The following ZBTB17 variants were observed in gnomAD, a reference collection of about 807,000 sequenced individuals.
ZBTB17 encodes zinc finger and BTB domain-containing protein 17.
ZBTB17 carries 24 observed loss-of-function variants against 85.1 expected under a neutral mutation model. The ratio of observed to expected loss-of-function variants is 0.28; its 90% confidence interval spans 0.20 to 0.40. The LOEUF is 0.40. Among genes scored for constraint, ZBTB17 ranks in the 10% least tolerant of loss-of-function variants. ZBTB17 has a pLI of 1.00. For missense variants in ZBTB17, 743 were observed against 1,105.1 expected (o/e 0.67, Z 4.65); for synonymous variants, 464 against 460.2 (o/e 1.01, Z -0.11).
intron 2 of ZBTB17, chr1:15,970,115 G>T: frequency 1.6e-6 from 1 of 636,240 alleles, no homozygotes; most frequent in Non-Finnish European, 2.9e-6. Flanking sequence ...CACCACAGTA[G>T]TTGGGTCATC....
intron 2 of ZBTB17, among the ~76,000 whole-genome samples, chr1:15,971,243 GA>G (rs34763423): frequency 0.29 from 42,680 of 146,938 alleles, 6,506 homozygotes; most frequent in Non-Finnish European, 0.33. Flanking sequence ...CTGTGTGTAT[GA>G]AAAAAAAAAA....
Position 15,941,945 on chromosome 1 carries a change from TAAAC to T in ZBTB17, c.*20_*23del, listed in dbSNP as rs753479324. The stretch of plus-strand genomic sequence containing the variant: ...TTCCAGGGTGCCATCCATCCTTAAA[TAAAC>T]AGTCAGAAGGGCCGCCAGCTCACTC... On this transcript the variant is annotated 3_prime_UTR_variant, in exon 16 of 16. Coordinates refer to ENST00000375743, the MANE Select transcript of ZBTB17 (RefSeq NM_003443.3). The T allele has an allele frequency of 8.2e-6, 13 of 1,577,110 alleles. No homozygotes were observed. The highest frequency in any genetic ancestry group is 2.2e-5 in the East Asian group (1 of 44,478).
intron 2 of ZBTB17, among the ~76,000 whole-genome samples, chr1:15,962,674 C>G (rs909829548): frequency 6.6e-6 from 1 of 152,148 alleles, no homozygotes; most frequent in Non-Finnish European, 1.5e-5. Context: ...AACAGAATAC[C>G]GGGTTCAACA....
In ZBTB17 at chr1:15,945,810, G is replaced by T; in HGVS notation, c.566C>A (p.Pro189His). ...GAGCTCCACAGGCGGCGGCTCCCGG[G>T]GCGCATCGGCTTTCTCTGTCTGCTC... ...GAEQTEKADAPREPPPVELKP... is the reference protein window; with the variant it reads ...GAEQTEKADAHREPPPVELKP... Residue 189 changes from proline (P) to histidine (H), a missense_variant, in exon 6 of 16, where the codon CCC becomes CAC. By Grantham distance (77) the Pro-to-His change is moderately conservative. Around this residue, in one of 4 missense-constraint regions of ZBTB17, gnomAD observed 279 missense variants for 269.9 expected, o/e 1.03. Transcript: ENST00000375743. The T allele has an allele frequency of 6.2e-7, 1 of 1,602,098 alleles. No individual in the cohort carries two copies.
rs1411718048 is a variant in ZBTB17 at position 15,946,204 on chromosome 1, C to T, written c.485G>A (p.Ser162Asn). ...GCCGCGCTCCTCCTTGAGGTCCCTG[C>T]TGGGGCCTATGGGTGTGCTGCGTCC... The part of the protein sequence containing the change: ...QAGRSTPIGP[S>N]RDLKEERGGQ... Residue 162 changes from serine to asparagine, a missense_variant, in exon 5 of 16, where the codon AGC (serine) becomes AAC (asparagine). Ser to Asn is a conservative substitution (Grantham distance 46). Around this residue, in one of 4 missense-constraint regions of ZBTB17, gnomAD observed 279 missense variants for 269.9 expected, o/e 1.03. Transcript: ENST00000375743. 1.2e-6 allele frequency: 2 copies of T among 1,612,988 alleles called. No homozygotes were observed. The highest frequency in any genetic ancestry group is 1.7e-6 in the Non-Finnish European group (2 of 1,180,012).
At chr1:15,968,070 C>A (rs1234539728) in intron 2 of ZBTB17, among the ~76,000 whole-genome samples, 2 of 152,162 alleles carry the variant, frequency 1.3e-5, no homozygotes, top group African/African-American at 2.4e-5. Context: ...AAACCCACCC[C>A]CCACAACAAA....
chr1:15,975,510 C>T (rs1222084637), intron 1 of ZBTB17, among the ~76,000 whole-genome samples: 1 of 152,192 alleles, frequency 6.6e-6, no homozygotes, highest in African/African-American at 2.4e-5. Context: ...GAATGAAATG[C>T]TTTTATACAG....
At position 15,947,007 on chromosome 1, in the gene ZBTB17, A is replaced by T; in HGVS notation, c.322T>A (p.Cys108Ser). The change falls in exon 4 of 16, where the codon TGC becomes AGC. Residue 108 changes from cysteine (C) to serine (S), a missense_variant. Cys to Ser is a moderately radical substitution (Grantham distance 112, BLOSUM62 -1). Transcript: ENST00000375743. ...FLQMQDIITACHALKSLAEPA... is the reference protein window; with the variant it reads ...FLQMQDIITASHALKSLAEPA... ...TCAGCAAGTGACTTGAGGGCATGGC[A>T]GGCCGTGATGATGTCCTGCATTTGG... 1 of 1,614,090 alleles carries T rather than the reference A, an allele frequency of 6.2e-7. No homozygotes were observed. Among genetic ancestry groups the T allele is most frequent in the Middle Eastern group, 1.7e-4 (1 of 6,058 alleles).
chr1:15,954,072 A>G (rs1027607334), intron 2 of ZBTB17, among the ~76,000 whole-genome samples: 8 of 152,232 alleles, frequency 5.3e-5, no homozygotes, highest in Non-Finnish European at 7.3e-5. Context: ...TAGCATGAAG[A>G]CAGGGAGGAA....
intron 2 of ZBTB17, among the ~76,000 whole-genome samples, chr1:15,972,172 G>T (rs945404611): frequency 6.6e-6 from 1 of 152,154 alleles, no homozygotes. Context: ...ACATGGCTGG[G>T]AGCACCTGCT....
chr1:15,947,635 C>G (rs1183900715), intron 3 of ZBTB17, among the ~76,000 whole-genome samples: 1 of 152,152 alleles, frequency 6.6e-6, no homozygotes, highest in African/African-American at 2.4e-5. Flanking sequence ...GTTGTGAACA[C>G]CTGCCCTCCA....
chr1:15,953,153 A>T lies in ZBTB17; in HGVS notation c.-2-4656T>A, dbSNP rs1278490163. The stretch of plus-strand genomic sequence containing the variant: ...GTATATTTCATATACATTTACATGA[A>T]AACATTCCAATTATTTAAAAAAATG... On this transcript the variant is annotated intron_variant, in intron 2 of 15. Transcript: ENST00000375743. This position sits in a 1 kb window ranked among gnomAD's most constrained non-coding sequence, Gnocchi z 5.1. Among the ~76,000 whole-genome samples, 1 of 152,046 alleles carries T rather than the reference A, an allele frequency of 6.6e-6. No individual in the cohort carries two copies. The highest frequency in any genetic ancestry group is 1.5e-5 in the Non-Finnish European group (1 of 68,020).
chr1:15,971,992 A>G (rs2072705459), intron 2 of ZBTB17, among the ~76,000 whole-genome samples: 1 of 151,858 alleles, frequency 6.6e-6, no homozygotes. Context: ...CCAGAGTCCT[A>G]GCTGCCTCTA....
chr1:15,943,178 GGC>G lies in ZBTB17; in HGVS notation c.1712_1713del (p.Ser571ThrfsTer46). On this transcript the variant is annotated frameshift_variant, in exon 13 of 16. Coordinates refer to ENST00000375743, the MANE Select transcript of ZBTB17 (RefSeq NM_003443.3). LOFTEE classifies it high-confidence loss of function. ...TGGTGGCGAATATGATTGGCCAACT[GGC>G]TGGACTGGACGAATCTGTGGGGCCA... is the stretch of plus-strand genomic sequence containing the variant. The part of the protein sequence containing the change: ...ERCGKRFVQS[S>X]QLANHIRHHD... The G allele has an allele frequency of 6.2e-7, 1 of 1,614,184 alleles. No individual in the cohort carries two copies.
chr1:15,943,743 C>T (rs112794440), intron 10 of ZBTB17, 28 bp from the exon 11 acceptor site: 17 of 1,612,698 alleles, frequency 1.1e-5, no homozygotes, highest in Non-Finnish European at 1.4e-5. Flanking sequence ...GCGAACCTGG[C>T]GTGGGGCACC....
chr1:15,948,089 CT>C (rs1416221420), intron 3 of ZBTB17: 7 of 656,758 alleles, frequency 1.1e-5, no homozygotes, highest in Non-Finnish European at 1.9e-5. Flanking sequence ...CCGTTCTCCC[CT>C]TACCACTCCA....
chr1:15,961,137 A>C (rs1304246074), intron 2 of ZBTB17, among the ~76,000 whole-genome samples: 1 of 152,188 alleles, frequency 6.6e-6, no homozygotes, highest in Non-Finnish European at 1.5e-5. Flanking sequence ...AGATTTAAGA[A>C]ATGTTGAATA....
chr1:15,949,423 A>G (rs1240703982), intron 2 of ZBTB17, among the ~76,000 whole-genome samples: 1 of 152,222 alleles, frequency 6.6e-6, no homozygotes, highest in Non-Finnish European at 1.5e-5. Flanking sequence ...TCTAGAAAGA[A>G]CCCATTTCAG....
intron 2 of ZBTB17, among the ~76,000 whole-genome samples, chr1:15,950,084 A>G (rs536303863): frequency 6.6e-5 from 10 of 152,338 alleles, no homozygotes; most frequent in African/African-American, 2.4e-4. Context: ...AAGTGTAAGC[A>G]CTGGAGAGCC....
Sources: allele counts gnomAD v4.1 joint callset (sites outside exome capture counted in the v4.1 genomes callset), GRCh38; gene constraint gnomAD v4.1.1; regional missense constraint gnomAD v4.1.1; non-coding constraint Gnocchi (gnomAD v3.1); transcripts MANE v1.5; gene names NCBI Gene and HGNC (gene_info 2026-07-23, HGNC 2026-07-21).